The following FMO1 variants were observed in gnomAD, a reference collection of about 807,000 sequenced individuals.
FMO1 encodes the protein flavin containing dimethylaniline monoxygenase 1, also known as flavin-containing monooxygenase 1.
A neutral mutation model predicts 45.4 loss-of-function variants in FMO1; 36 were observed. The observed-to-expected ratio is 0.79, with a 90% CI of 0.61 to 1.05. The LOEUF is 1.05. Ranked by LOEUF, FMO1 falls within the 50% of genes least tolerant of loss-of-function variation. The pLI is 0.00. For missense variants in FMO1, 615 were observed against 640.3 expected, an observed-to-expected ratio of 0.96 and a Z score of 0.43; for synonymous variants, 228 against 227.2, an observed-to-expected ratio of 1.00 and a Z score of -0.03.
chr1:171,269,597 C>T lies in FMO1; in HGVS notation c.321+1866C>T, dbSNP rs187862795. On this transcript the variant is annotated intron_variant, in intron 3 of 8. Transcript: ENST00000617670. The stretch of plus-strand genomic sequence containing the variant: ...ACAAAACAGCACTCCATCACAAAAG[C>T]GTGTAAAATTACAATAACACTATTT... Among the ~76,000 whole-genome samples the T allele has an allele frequency of 1.1e-3, 172 of 152,232 alleles. 3 individuals carry two copies. Among genetic ancestry groups the T allele is most frequent in the Admixed American group, 9.5e-3 (145 of 15,292 alleles).
chr1:171,258,382 G>A (rs1474071381), intron 2 of FMO1, among the ~76,000 whole-genome samples, 163 bp downstream of exon 2: 1 of 152,202 alleles, frequency 6.6e-6, no homozygotes, highest in Admixed American at 6.5e-5. Context: ...AAAAGAAACA[G>A]GACATGGGTG....
rs1661393718 is a variant in FMO1, at chr1:171,282,299, AAC to A, written c.1153_1154del (p.Gln385SerfsTer13). ...TGGGCTCCATGATACCTACAGGAGA[AAC>A]ACAAGCTCGGTGGGCTGTTCGAGTC... ...PLGSMIPTGE[T>X]QARWAVRVLK... On this transcript the variant is annotated frameshift_variant, in exon 7 of 9. Transcript: ENST00000617670. LOFTEE classifies it high-confidence loss of function. 1 of 1,613,062 alleles carries A rather than the reference AAC, an allele frequency of 6.2e-7. No individual in the cohort carries two copies. Among genetic ancestry groups the A allele is most frequent in the Non-Finnish European group, 8.5e-7 (1 of 1,179,344 alleles).
intron 2 of FMO1, among the ~76,000 whole-genome samples, chr1:171,266,477 T>C (rs1660622651): frequency 6.6e-6 from 1 of 152,220 alleles, no homozygotes; most frequent in African/African-American, 2.4e-5. Flanking sequence ...GTGTGACAGG[T>C]GGGCCACAGA....
intron 4 of FMO1, among the ~76,000 whole-genome samples, chr1:171,278,463 T>G (rs1661201779): frequency 6.6e-6 from 1 of 152,196 alleles, no homozygotes; most frequent in South Asian, 2.1e-4. Flanking sequence ...TTAATATATC[T>G]TTATGCCATA....
chr1:171,260,331 T>G lies in FMO1; in HGVS notation c.132+2112T>G, dbSNP rs578162750. Among the ~76,000 whole-genome samples the G allele has an allele frequency of 4.6e-5, 7 of 152,278 alleles. No homozygotes were observed. The East Asian group carries it at 9.7e-4, about 21-fold the overall frequency. Reference sequence around the variant, plus strand: ...GATTTTTGTAGGCAAATAGAAACTATCTGGATGACCAGAAATAACTGAGCA... The same window carrying G: ...GATTTTTGTAGGCAAATAGAAACTAGCTGGATGACCAGAAATAACTGAGCA... On this transcript the variant is annotated intron_variant, in intron 2 of 8. Coordinates refer to ENST00000617670, the MANE Select transcript of FMO1 (RefSeq NM_001282693.2).
At chr1:171,257,064 T>G (rs1020262991) in intron 1 of FMO1, among the ~76,000 whole-genome samples, 1 of 152,250 alleles carries the variant, frequency 6.6e-6, no homozygotes, top group African/African-American at 2.4e-5. Flanking sequence ...GCACTTACTA[T>G]GTGCCAGGAG....
intron 2 of FMO1, among the ~76,000 whole-genome samples, chr1:171,266,726 A>G (rs1660631868): frequency 6.6e-6 from 1 of 152,218 alleles, no homozygotes; most frequent in African/African-American, 2.4e-5. Context: ...ATTTCACAGG[A>G]AAAATGAACT....
chr1:171,281,997 G>T lies in FMO1; in HGVS notation c.847G>T (p.Val283Leu). Reference protein sequence around the residue: ...PEDRTQLKEFVLNDELPGRII... With the variant: ...PEDRTQLKEFLLNDELPGRII... ...GTTTAGGACTCAGCTGAAAGAGTTT[G>T]TGCTAAATGATGAGCTCCCAGGACG... The change falls in exon 7 of 9, where the codon GTG becomes TTG. Residue 283 changes from valine to leucine, a missense_variant. By Grantham distance (32) the Val-to-Leu change is conservative (BLOSUM62 1). Transcript: ENST00000617670. The T allele has an allele frequency of 6.2e-7, 1 of 1,608,068 alleles. No homozygotes were observed. The highest frequency in any genetic ancestry group is 8.5e-7 in the Non-Finnish European group (1 of 1,177,498).
Position 171,285,618 on chromosome 1 carries a change from G to T in FMO1, c.*74G>T, listed in dbSNP as rs770597180. ...CCAATTCCTCTCTTACAGCAATATT[G>T]CCTTCACAGTTATAAACTGTATTCA... On this transcript the variant is annotated 3_prime_UTR_variant, in exon 9 of 9. Transcript: ENST00000617670. 20 of 943,360 alleles carry T rather than the reference G, an allele frequency of 2.1e-5. No individual in the cohort carries two copies. Among genetic ancestry groups the T allele is most frequent in the Non-Finnish European group, 3.0e-5 (19 of 637,834 alleles). The allele number at this position is 943,360 out of a possible 1,614,324, so 58.4% of individuals were successfully genotyped here.
chr1:171,272,556 C>T (rs1289718285), intron 3 of FMO1, among the ~76,000 whole-genome samples: 1 of 152,222 alleles, frequency 6.6e-6, no homozygotes, highest in Admixed American at 6.5e-5. Context: ...CTGTACCCTG[C>T]AAAGCCACAG....
At chr1:171,254,854 C>T (rs1304968476) in intron 1 of FMO1, among the ~76,000 whole-genome samples, 6 of 152,194 alleles carry the variant, frequency 3.9e-5, no homozygotes, top group African/African-American at 1.4e-4. Flanking sequence ...GAATTGGCAC[C>T]TCTTTCTTTG....
chr1:171,261,321 G>GCACACACACACACA (rs71561567), intron 2 of FMO1, among the ~76,000 whole-genome samples: 1,719 of 148,016 alleles, frequency 0.012, 43 homozygotes, highest in African/African-American at 0.034. Context: ...ACACACACAG[G>GCACACACACACACA]CACACACACA....
chr1:171,267,638 A>T lies in FMO1; in HGVS notation c.228A>T (p.Glu76Asp), dbSNP rs781079038. Residue 76 changes from glutamate to aspartate, a missense_variant, in exon 3 of 9, where the codon GAA (glutamate) becomes GAT (aspartate). Coordinates refer to ENST00000617670, the MANE Select transcript of FMO1 (RefSeq NM_001282693.2). Reference protein sequence around the residue: ...MSCYSDFPFPEDYPNYVPNSQ... With the variant: ...MSCYSDFPFPDDYPNYVPNSQ... ...GTTACTCAGACTTTCCATTCCCAGA[A>T]GATTATCCAAACTATGTGCCAAATT... 1 of 1,614,074 alleles carries T rather than the reference A, an allele frequency of 6.2e-7. No homozygotes were observed. The highest frequency in any genetic ancestry group is 1.7e-5 in the Admixed American group (1 of 60,024).
In FMO1 at chr1:171,269,598, G is replaced by A. The variant is rs140743779; in HGVS notation, c.321+1867G>A. Among the ~76,000 whole-genome samples, 223 of 152,214 alleles carry A rather than the reference G, an allele frequency of 1.5e-3. 2 individuals are homozygous for A. In the East Asian group the frequency reaches 0.022, roughly 15 times the overall value. On this transcript the variant is annotated intron_variant, in intron 3 of 8. Transcript: ENST00000617670. Reference sequence around the variant, plus strand: ...CAAAACAGCACTCCATCACAAAAGCGTGTAAAATTACAATAACACTATTTT... The same window carrying A: ...CAAAACAGCACTCCATCACAAAAGCATGTAAAATTACAATAACACTATTTT...
chr1:171,253,280 A>G (rs1659982770), intron 1 of FMO1, among the ~76,000 whole-genome samples: 1 of 152,208 alleles, frequency 6.6e-6, no homozygotes, highest in Non-Finnish European at 1.5e-5. Flanking sequence ...GATTCCAGAT[A>G]TACTGTGACT....
intron 5 of FMO1, 24 bp downstream of exon 5, chr1:171,278,895 G>T (rs757896074): frequency 6.4e-7 from 1 of 1,569,116 alleles, no homozygotes; most frequent in African/African-American, 1.4e-5. Flanking sequence ...GTTACTGGGT[G>T]AAGAGCTTTA....
chr1:171,249,072 C>A (rs1460987217), intron 1 of FMO1, among the ~76,000 whole-genome samples: 1 of 151,750 alleles, frequency 6.6e-6, no homozygotes, highest in Non-Finnish European at 1.5e-5. Flanking sequence ...AAGTGGGAAG[C>A]AAAAGGCAAG....
intron 2 of FMO1, among the ~76,000 whole-genome samples, chr1:171,260,130 A>G (rs1445925359): frequency 6.6e-6 from 1 of 152,206 alleles, no homozygotes; most frequent in East Asian, 1.9e-4. Flanking sequence ...GAAAGTAAAA[A>G]TAGCTTTTTG....
intron 6 of FMO1, 140 bp downstream of exon 6, chr1:171,281,125 G>T: frequency 1.5e-6 from 1 of 661,310 alleles, no homozygotes. Flanking sequence ...GATAATAACA[G>T]CTAACTGTTC....
Sources: allele counts gnomAD v4.1 joint callset (sites outside exome capture counted in the v4.1 genomes callset), GRCh38; gene constraint gnomAD v4.1.1; transcripts MANE v1.5; gene names NCBI Gene and HGNC (gene_info 2026-07-23, HGNC 2026-07-21).